Variants in ERI1 observed in about 807,000 individuals in gnomAD.
ERI1 encodes the protein exoribonuclease 1.
In ERI1, 39 loss-of-function variants were observed where a neutral mutation model predicts 39.7. The observed-to-expected ratio is 0.98, with a 90% CI of 0.76 to 1.28. ERI1 has a LOEUF of 1.28. ERI1 is among the 50% of genes most tolerant of loss of function. The pLI is 0.00. For synonymous variants in ERI1, 204 were observed against 149.6 expected (o/e 1.36, Z -2.65); for missense variants, 581 against 416.9 (o/e 1.39, Z -3.43).
intron 3 of ERI1, among the ~76,000 whole-genome samples, chr8:9,098,519 C>T (rs1298216040): frequency 1.3e-5 from 2 of 152,212 alleles, no homozygotes; most frequent in African/African-American, 2.4e-5. Context: ...GAGACTCCAT[C>T]TCAACAACAA....
intron 1 of ERI1, among the ~76,000 whole-genome samples, chr8:9,003,744 A>C (rs1456115104): frequency 6.6e-6 from 1 of 152,220 alleles, no homozygotes; most frequent in Non-Finnish European, 1.5e-5. Flanking sequence ...GCAAAGTTGT[A>C]GAACAGTCTT....
chr8:9,088,192 C>G (rs1398480843), intron 3 of ERI1, among the ~76,000 whole-genome samples: 1 of 151,860 alleles, frequency 6.6e-6, no homozygotes, highest in Non-Finnish European at 1.5e-5. Flanking sequence ...GAATCCATTT[C>G]AGGAGATAAC....
intron 1 of ERI1, 21 bp from the exon 2 acceptor site, chr8:9,007,935 CTTTTTTTTTTTTTT>C (rs556702690): frequency 1.2e-4 from 118 of 969,246 alleles, no homozygotes; most frequent in African/African-American, 4.8e-4. Context: ...AAACTACATC[CTTTTTTTTTTTTTT>C]TTTTTTTTTT....
At chr8:9,064,623 G>A (rs538539672) in intron 3 of ERI1, among the ~76,000 whole-genome samples, 5 of 152,322 alleles carry the variant, frequency 3.3e-5, no homozygotes, top group South Asian at 4.1e-4. Flanking sequence ...GGTTGGAGAA[G>A]AGAGTAAGAA....
chr8:9,018,252 A>C, intron 4 of ERI1, 45 bp from the exon 5 acceptor site: 1 of 1,149,782 alleles, frequency 8.7e-7, no homozygotes, highest in Non-Finnish European at 1.3e-6. Flanking sequence ...GGTCTACGTG[A>C]AGCTGCAGCC....
chr8:9,011,836 T>A (rs1275485177), intron 3 of ERI1, 84 bp downstream of exon 3: 4 of 1,012,890 alleles, frequency 3.9e-6, no homozygotes, highest in Admixed American at 2.9e-5. Context: ...CTCATTTGCT[T>A]TTTAGCCAGA....
intron 1 of ERI1, among the ~76,000 whole-genome samples, chr8:9,006,862 T>G (rs1263437657): frequency 6.6e-6 from 1 of 152,122 alleles, no homozygotes; most frequent in East Asian, 1.9e-4. Context: ...ATTGAGAGCT[T>G]AGAGTAAGAA....
rs1197855549 is a variant in ERI1, at chr8:9,030,279, TGA to T, written c.*246_*247del. ...CATAGTAACAGTTCCTGCTTACAAC[TGA>T]ATTTTATAATTTAAGGTGTTCAAGA... On this transcript the variant is annotated 3_prime_UTR_variant, in exon 7 of 7. Coordinates refer to ENST00000250263, the MANE Select transcript of ERI1 (RefSeq NM_153332.4). The T allele has an allele frequency of 4.5e-5, 22 of 489,318 alleles. No individual in the cohort carries two copies. The highest frequency in any genetic ancestry group is 7.2e-5 in the Non-Finnish European group (20 of 276,018). 30.3% of individuals were successfully genotyped at this position (489,318 alleles called of 1,614,324 possible). A position where few individuals can be genotyped will look rare whatever the true frequency, so the allele number is the denominator to read the frequency against.
chr8:9,035,214 T>G, downstream of ERI1, among the ~76,000 whole-genome samples: 1 of 152,196 alleles, frequency 6.6e-6, no homozygotes, highest in East Asian at 1.9e-4. Flanking sequence ...CTAGCTAAGA[T>G]CTAGCTAAGA....
Position 9,018,338 on chromosome 8 carries a change from A to T in ERI1, c.624A>T (p.Lys208Asn). ...DRADTFPQVL[K>N]KVIDWMKLKE... ...CTGATACCTTCCCTCAGGTACTAAA[A>T]AAAGTAATTGACTGGATGAAATTGA... Residue 208 changes from lysine to asparagine, a missense_variant, in exon 5 of 7, where the codon AAA becomes AAT. Physicochemically the swap from Lys to Asn is moderately conservative, Grantham distance 94. Coordinates refer to ENST00000250263, the MANE Select transcript of ERI1 (RefSeq NM_153332.4). The T allele has an allele frequency of 1.9e-6, 3 of 1,612,960 alleles. No homozygotes were observed. Among genetic ancestry groups the T allele is most frequent in the Non-Finnish European group, 2.5e-6 (3 of 1,179,060 alleles).
At chr8:9,081,667 C>CTT (rs1266944190) in intron 3 of ERI1, among the ~76,000 whole-genome samples, 1 of 144,896 alleles carries the variant, frequency 6.9e-6, no homozygotes, top group African/African-American at 2.7e-5. Context: ...TTCTTCCTTT[C>CTT]CTCTTCTTCT....
chr8:9,051,091 G>A (rs1798340892), intron 3 of ERI1, among the ~76,000 whole-genome samples: 1 of 151,936 alleles, frequency 6.6e-6, no homozygotes, highest in African/African-American at 2.4e-5. Flanking sequence ...AGGTACGATA[G>A]ATATTAGTTC....
intron 3 of ERI1, among the ~76,000 whole-genome samples, chr8:9,085,397 C>T (rs2117461869): frequency 6.6e-6 from 1 of 152,158 alleles, no homozygotes; most frequent in Middle Eastern, 3.4e-3. Context: ...TTAGTAGGGA[C>T]AGAGTTTCAC....
rs757707302 is a variant in ERI1 at position 9,029,820 on chromosome 8, T to C, written c.836T>C (p.Ile279Thr). Residue 279 changes from isoleucine (I) to threonine (T), a missense_variant, in exon 7 of 7, where the codon ATA becomes ACA. Transcript: ENST00000250263. ...KVPRSQTKLT[I>T]MLEKLGMDYD... Reference sequence around the variant, plus strand: ...CCTAGAAGCCAAACCAAACTGACAATAATGCTTGAAAAATTAGGAATGGAT... The same window carrying C: ...CCTAGAAGCCAAACCAAACTGACAACAATGCTTGAAAAATTAGGAATGGAT... The C allele has an allele frequency of 1.9e-6, 3 of 1,614,170 alleles. No homozygotes were observed. Among genetic ancestry groups the C allele is most frequent in the Non-Finnish European group, 2.5e-6 (3 of 1,180,024 alleles).
intron 4 of ERI1, 25 bp from the exon 5 acceptor site, chr8:9,018,272 G>A (rs745855584): frequency 1.4e-6 from 2 of 1,438,926 alleles, no homozygotes; most frequent in South Asian, 1.2e-5. Context: ...CCTGATTTTT[G>A]TATATTTTAC....
chr8:9,097,073 C>T (rs988136063), intron 3 of ERI1, among the ~76,000 whole-genome samples: 3 of 152,194 alleles, frequency 2.0e-5, no homozygotes, highest in African/African-American at 4.8e-5. Flanking sequence ...CTAGCTCTCC[C>T]GCTTCCTCTG....
At chr8:9,021,533 A>G (rs879299906) in intron 6 of ERI1, among the ~76,000 whole-genome samples, 7 of 152,296 alleles carry the variant, frequency 4.6e-5, no homozygotes, top group South Asian at 4.1e-4. Context: ...ACTGAGAAGT[A>G]TGCATGCAGA....
chr8:9,015,738 A>AAAAAAAAAAAAAAG (rs1563318556), intron 3 of ERI1, among the ~76,000 whole-genome samples: 9 of 151,236 alleles, frequency 6.0e-5, no homozygotes, highest in African/African-American at 2.2e-4. Flanking sequence ...AAAAAAAAAA[A>AAAAAAAAAAAAAAG]AAAGAGACCA....
At chr8:9,084,867 C>G (rs1799477205) in intron 3 of ERI1, among the ~76,000 whole-genome samples, 2 of 152,182 alleles carry the variant, frequency 1.3e-5, no homozygotes, top group Admixed American at 6.5e-5. Flanking sequence ...TACACAAGCA[C>G]TTCAGTCGCT....
Sources: gnomAD v4.1 joint callset for allele counts (sites outside exome capture counted in the v4.1 genomes callset) on GRCh38, gnomAD v4.1.1 for gene constraint, MANE v1.5 for transcripts, NCBI Gene and HGNC (gene_info 2026-07-23, HGNC 2026-07-21) for gene names.